GPHN: variants seen among roughly 807,000 people sequenced by gnomAD.
The protein encoded by GPHN is gephyrin.
Under a neutral mutation model 95.5 loss-of-function variants are expected in GPHN, and 17 were observed. The observed-to-expected ratio is 0.18, with a 90% CI of 0.12 to 0.27. The LOEUF (loss-of-function observed/expected upper bound fraction) is 0.27, where lower values mean the gene tolerates loss of function less well. Among genes scored for constraint, GPHN ranks in the 10% least tolerant of loss-of-function variants. The pLI is 1.00. For synonymous variants in GPHN, 320 were observed against 322.5 expected (o/e 0.99, Z 0.08); for missense variants, 660 against 978.1 (o/e 0.67, Z 4.34).
At chr14:66,753,114 C>T (rs2058432157) in intron 2 of GPHN, among the ~76,000 whole-genome samples, 1 of 151,980 alleles carries the variant, frequency 6.6e-6, no homozygotes, top group African/African-American at 2.4e-5. Flanking sequence ...AGCCCTTTGC[C>T]ATATAATTTT....
At chr14:67,483,239 G>A in the GPHN span, among the ~76,000 whole-genome samples, 1 of 152,170 alleles carries the variant, frequency 6.6e-6, no homozygotes, top group Non-Finnish European at 1.5e-5. Flanking sequence ...TTGAACTCCT[G>A]ACCTCAAGTG....
the GPHN span, among the ~76,000 whole-genome samples, chr14:67,545,825 G>A: frequency 1.3e-5 from 2 of 152,076 alleles, no homozygotes; most frequent in African/African-American, 4.8e-5. Flanking sequence ...TACAGTTTAT[G>A]TACTTCTAAA....
chr14:67,380,791 A>G, the GPHN span: 2 of 1,369,040 alleles, frequency 1.5e-6, no homozygotes, highest in Admixed American at 2.4e-5. Flanking sequence ...AATGATTTTT[A>G]CAGTATTTTG....
intron 1 of GPHN, among the ~76,000 whole-genome samples, chr14:66,521,580 G>A (rs2058487297): frequency 1.3e-5 from 2 of 152,188 alleles, no homozygotes; most frequent in Admixed American, 1.3e-4. Flanking sequence ...TCTGGTGAGG[G>A]CCTGTTCCTC....
chr14:67,262,164 A>G, the GPHN span, among the ~76,000 whole-genome samples: 3 of 152,294 alleles, frequency 2.0e-5, no homozygotes, highest in South Asian at 4.1e-4. Flanking sequence ...ATCAAATGAG[A>G]TAATATACTT....
At chr14:67,719,670 G>T in the GPHN span, among the ~76,000 whole-genome samples, 1 of 151,822 alleles carries the variant, frequency 6.6e-6, no homozygotes, top group Non-Finnish European at 1.5e-5. Flanking sequence ...TAGAGACGGG[G>T]TCTCACTATG....
At chr14:67,695,053 T>C in the GPHN span, among the ~76,000 whole-genome samples, 1 of 152,010 alleles carries the variant, frequency 6.6e-6, no homozygotes, top group Admixed American at 6.6e-5. Flanking sequence ...CTAACTCAGA[T>C]CCCCCGTGCT....
At chr14:67,207,676 AG>A in the GPHN span, among the ~76,000 whole-genome samples, 42 of 152,340 alleles carry the variant, frequency 2.8e-4, no homozygotes, top group Non-Finnish European at 4.3e-4. Context: ...TGAGCGAATC[AG>A]AGAGTGGCTA....
chr14:67,519,745 C>G, the GPHN span, among the ~76,000 whole-genome samples: 1 of 148,362 alleles, frequency 6.7e-6, no homozygotes, highest in Admixed American at 6.8e-5. Flanking sequence ...TTTTTTGAGA[C>G]AGGTTCTCGT....
At chr14:66,808,405 A>G (rs1191688218) in intron 3 of GPHN, among the ~76,000 whole-genome samples, 1 of 152,184 alleles carries the variant, frequency 6.6e-6, no homozygotes, top group Non-Finnish European at 1.5e-5. Flanking sequence ...TCAATCTTTC[A>G]GTTATAGTAA....
At chr14:67,592,790 A>G in the GPHN span, 15 of 965,100 alleles carry the variant, frequency 1.6e-5, no homozygotes, top group Non-Finnish European at 2.4e-5. Flanking sequence ...TTTTTCCTTT[A>G]TTTATTTATT....
the GPHN span, chr14:67,646,654 TC>T: frequency 6.8e-6 from 11 of 1,610,728 alleles, no homozygotes; most frequent in East Asian, 2.5e-4. Context: ...GTACCACAAC[TC>T]CCAGGATTTT....
chr14:66,584,407 A>T (rs1247071985), intron 1 of GPHN, among the ~76,000 whole-genome samples: 2 of 152,176 alleles, frequency 1.3e-5, no homozygotes, highest in East Asian at 3.9e-4. Context: ...TGTTCTGGCC[A>T]GAACTTCCAA....
intron 10 of GPHN, among the ~76,000 whole-genome samples, chr14:67,041,605 T>A (rs758938309): frequency 2.6e-5 from 4 of 152,226 alleles, no homozygotes; most frequent in Non-Finnish European, 4.4e-5. Flanking sequence ...ATTTTCTTAA[T>A]CCAGTGTATC....
At chr14:66,753,888 A>G (rs1245260666) in intron 2 of GPHN, among the ~76,000 whole-genome samples, 1 of 151,996 alleles carries the variant, frequency 6.6e-6, no homozygotes, top group Non-Finnish European at 1.5e-5. Context: ...CCAGCTTAAG[A>G]CTATGTAACC....
the GPHN span, among the ~76,000 whole-genome samples, chr14:67,361,691 C>G: frequency 6.6e-6 from 1 of 152,114 alleles, no homozygotes; most frequent in Non-Finnish European, 1.5e-5. Context: ...TTGAAATTAG[C>G]CTGGAGTTTG....
chr14:66,815,852 C>A (rs1164710504), intron 3 of GPHN, among the ~76,000 whole-genome samples: 1 of 152,088 alleles, frequency 6.6e-6, no homozygotes, highest in Non-Finnish European at 1.5e-5. Context: ...CAATTAAAAA[C>A]ACAGAGTGGC....
intron 3 of GPHN, among the ~76,000 whole-genome samples, chr14:66,795,105 T>C (rs1212580384): frequency 2.0e-5 from 3 of 152,086 alleles, no homozygotes; most frequent in Non-Finnish European, 4.4e-5. Flanking sequence ...AATAAATAGA[T>C]AGACAGATAG....
intron 1 of GPHN, among the ~76,000 whole-genome samples, chr14:66,583,841 T>C (rs923576629): frequency 9.9e-4 from 151 of 152,266 alleles, no homozygotes; most frequent in African/African-American, 3.5e-3. Context: ...CTTTGTTCTT[T>C]TGGCTTAGGA....
Sources: allele counts gnomAD v4.1 joint callset (sites outside exome capture counted in the v4.1 genomes callset), GRCh38; gene constraint gnomAD v4.1.1; transcripts MANE v1.5; gene names NCBI Gene and HGNC (gene_info 2026-07-23, HGNC 2026-07-21).